Variants in GAB4 observed in about 807,000 individuals in gnomAD.
The protein encoded by GAB4 is GRB2-associated-binding protein 4.
Under a neutral mutation model 51.3 loss-of-function variants are expected in GAB4, and 26 were observed. The observed-to-expected ratio is 0.51, with a 90% confidence interval of 0.37 to 0.70. GAB4 has a LOEUF of 0.70. GAB4 is among the 30% of genes least tolerant of loss of function. The pLI is 0.00. For synonymous variants in GAB4, 329 were observed against 291.2 expected (o/e 1.13, Z -1.32); for missense variants, 759 against 734.6 (o/e 1.03, Z -0.38).
intron 1 of GAB4, among the ~76,000 whole-genome samples, chr22:16,997,145 T>C (rs1177162947): frequency 1.3e-5 from 2 of 152,202 alleles, no homozygotes; most frequent in Non-Finnish European, 2.9e-5. Flanking sequence ...TTATAATCCT[T>C]TGGGTATATA....
chr22:16,964,925 C>T (rs1232001450), intron 7 of GAB4, 63 bp from the exon 8 acceptor site: 3 of 1,277,800 alleles, frequency 2.3e-6, no homozygotes, highest in African/African-American at 1.5e-5. Flanking sequence ...GTCAGGGCTC[C>T]AGCCTCCAGC....
Position 16,962,652 on chromosome 22 carries a change from C to T in GAB4, c.*81G>A. ...TGCTCTCTATGTAAGGGATGCGGTC[C>T]CTGATATTACAGAGCTTTAGAGTGT... On this transcript the variant is annotated 3_prime_UTR_variant, in exon 10 of 10. Coordinates refer to ENST00000400588, the MANE Select transcript of GAB4 (RefSeq NM_001037814.1). 2 of 1,315,250 alleles carry T rather than the reference C, an allele frequency of 1.5e-6. No homozygotes were observed. The highest frequency in any genetic ancestry group is 2.1e-6 in the Non-Finnish European group (2 of 957,914). The allele number at this position is 1,315,250 out of a possible 1,614,324, so 81.5% of individuals were successfully genotyped here.
In GAB4 at chr22:16,970,009, G is replaced by T. The variant is rs200505777; in HGVS notation, c.871C>A (p.Pro291Thr). The T allele has an allele frequency of 1.2e-6, 2 of 1,614,152 alleles. 1 individual carries two copies. The highest frequency in any genetic ancestry group is 2.2e-5 in the South Asian group (2 of 91,086). ...AEFRGSTHRI[P>T]WSLASHGHTR... ...TGGCCATGGGAGGCCAGGCTCCAGG[G>T]GATTCTGTGGGTGCTGCCTCTGAAT... Residue 291 changes from proline (P) to threonine (T), a missense_variant, in exon 4 of 10, where the codon CCC becomes ACC. By Grantham distance (38) the Pro-to-Thr change is conservative (BLOSUM62 -1). Coordinates refer to ENST00000400588, the MANE Select transcript of GAB4 (RefSeq NM_001037814.1).
chr22:17,005,906 A>C (rs939935489), intron 1 of GAB4, among the ~76,000 whole-genome samples: 1 of 152,226 alleles, frequency 6.6e-6, no homozygotes, highest in Non-Finnish European at 1.5e-5. Context: ...AAGACCTAAA[A>C]CCATAGAAAC....
At chr22:16,992,884 C>T (rs890518425) in intron 1 of GAB4, among the ~76,000 whole-genome samples, 1 of 152,210 alleles carries the variant, frequency 6.6e-6, no homozygotes, top group Non-Finnish European at 1.5e-5. Flanking sequence ...CCATACCTAG[C>T]TAATTCTTTA....
intron 3 of GAB4, among the ~76,000 whole-genome samples, chr22:16,975,883 A>C (rs4819545): frequency 0.34 from 52,314 of 152,044 alleles, 9,429 homozygotes; most frequent in South Asian, 0.46. Context: ...TGCCGGTGAT[A>C]CAGAGTCTGG....
intron 8 of GAB4, 98 bp from the exon 9 acceptor site, chr22:16,963,927 T>A: frequency 1.1e-6 from 1 of 879,776 alleles, no homozygotes; most frequent in East Asian, 2.6e-5. Flanking sequence ...GCCCACTGGG[T>A]CCTACTCTGA....
At chr22:16,996,255 G>A (rs1484753240) in intron 1 of GAB4, among the ~76,000 whole-genome samples, 1 of 151,434 alleles carries the variant, frequency 6.6e-6, no homozygotes, top group African/African-American at 2.4e-5. Context: ...GACAAGATTA[G>A]AGAAAAAAAA....
rs778489339 is a variant in GAB4, at chr22:16,966,112, G to T, written c.1276C>A (p.Pro426Thr). ...GGGAAAGACTTACCCTTCTGGTTAG[G>T]CTTGAGGCTGCGGTTGACAGGGGGC... is the stretch of plus-strand genomic sequence containing the variant. ...QLPPVNRSLKPNQKANPTPPN... is the reference protein window; with the variant it reads ...QLPPVNRSLKTNQKANPTPPN... The change falls in exon 6 of 10, where the codon CCT (proline) becomes ACT (threonine). Residue 426 changes from proline to threonine, a missense_variant. Pro to Thr is a conservative substitution (Grantham distance 38). Coordinates refer to ENST00000400588, the MANE Select transcript of GAB4 (RefSeq NM_001037814.1). 5 of 1,613,794 alleles carry T rather than the reference G, an allele frequency of 3.1e-6. No homozygotes were observed. The highest frequency in any genetic ancestry group is 4.2e-6 in the Non-Finnish European group (5 of 1,179,940).
chr22:16,986,825 C>T (rs529883381), intron 3 of GAB4, among the ~76,000 whole-genome samples: 1 of 152,270 alleles, frequency 6.6e-6, no homozygotes, highest in Admixed American at 6.5e-5. Flanking sequence ...ACGAAGGAAT[C>T]GCATTGCTTC....
intron 1 of GAB4, among the ~76,000 whole-genome samples, chr22:16,992,680 G>A (rs1180982052): frequency 6.6e-6 from 1 of 152,202 alleles, no homozygotes; most frequent in Non-Finnish European, 1.5e-5. Context: ...AAGAGTCACA[G>A]AGAAACCCTT....
rs201193032 is a variant in GAB4, at chr22:17,006,175, G to GA, written c.174+1765dup. On this transcript the variant is annotated intron_variant, in intron 1 of 9. Coordinates refer to ENST00000400588, the MANE Select transcript of GAB4 (RefSeq NM_001037814.1). ...ATAAGGAATTTAAACAAATTTACAAGAAAAAAACAACAACACTATCAAGAA... is the reference window on the plus strand; with the variant it reads ...ATAAGGAATTTAAACAAATTTACAAGAAAAAAAACAACAACACTATCAAGAA... Among the ~76,000 whole-genome samples the GA allele has an allele frequency of 4.1e-3, 617 of 152,054 alleles. 1 individual carries two copies. Among genetic ancestry groups the GA allele is most frequent in the Middle Eastern group, 0.024 (7 of 292 alleles).
chr22:16,969,762 G>T (rs774987404), intron 4 of GAB4, 181 bp downstream of exon 4: 81 of 754,590 alleles, frequency 1.1e-4, no homozygotes, highest in Non-Finnish European at 1.6e-4. Flanking sequence ...CTTGGGCAGG[G>T]GAAGGGAGGC....
intron 3 of GAB4, among the ~76,000 whole-genome samples, chr22:16,985,741 A>G (rs1056035767): frequency 5.3e-5 from 8 of 152,260 alleles, no homozygotes; most frequent in Non-Finnish European, 1.0e-4. Context: ...CCAAGGGCCC[A>G]TGGCAGTGCT....
At chr22:16,993,995 C>A (rs1201865812) in intron 1 of GAB4, among the ~76,000 whole-genome samples, 1 of 152,108 alleles carries the variant, frequency 6.6e-6, no homozygotes, top group Non-Finnish European at 1.5e-5. Context: ...AAACGGACAT[C>A]ACTTCAACAG....
rs1356011286 is a variant in GAB4, at chr22:16,962,727, C to A, written c.*6G>T. On this transcript the variant is annotated 3_prime_UTR_variant, in exon 10 of 10. Transcript: ENST00000400588. ...CCTGGCCCCACTCTGGTTTTGGTGGCCCGAGTCACAGCTTGGCGCCCCTGG... is the reference window on the plus strand; with the variant it reads ...CCTGGCCCCACTCTGGTTTTGGTGGACCGAGTCACAGCTTGGCGCCCCTGG... The A allele has an allele frequency of 6.2e-7, 1 of 1,607,400 alleles. No homozygotes were observed. Among genetic ancestry groups the A allele is most frequent in the Non-Finnish European group, 8.5e-7 (1 of 1,178,232 alleles).
chr22:16,966,293 G>A lies in GAB4; in HGVS notation c.1095C>T (p.Gly365=), dbSNP rs1415850090. The A allele has an allele frequency of 3.1e-6, 5 of 1,613,816 alleles. No homozygotes were observed. The East Asian group carries it at 8.9e-5, about 29-fold the overall frequency. ...GCTTCACAGCCGGCAGGGTAGGGGA[G>A]CCTGGGTTCATGGGCACACAGCTGC... ...SEGSCVPMNP[G]SPTLPAVKQA... Residue 365 remains glycine (G), a synonymous_variant, in exon 6 of 10, where the codon GGC becomes GGT. Transcript: ENST00000400588.
chr22:16,994,553 T>C (rs2060936651), intron 1 of GAB4, among the ~76,000 whole-genome samples: 2 of 152,142 alleles, frequency 1.3e-5, no homozygotes, highest in Non-Finnish European at 2.9e-5. Context: ...ATTGTAAGGG[T>C]TTTTATGCTA....
At chr22:17,004,716 G>A (rs756419984) in intron 1 of GAB4, among the ~76,000 whole-genome samples, 6 of 149,790 alleles carry the variant, frequency 4.0e-5, no homozygotes, top group African/African-American at 7.4e-5. Context: ...ATCAATAAAC[G>A]TAATCCGTCA....
Sources: gnomAD v4.1 joint callset for allele counts (sites outside exome capture counted in the v4.1 genomes callset) on GRCh38, gnomAD v4.1.1 for gene constraint, MANE v1.5 for transcripts, NCBI Gene and HGNC (gene_info 2026-07-23, HGNC 2026-07-21) for gene names.